KAZN: variants seen among roughly 807,000 people sequenced by gnomAD.
KAZN encodes kazrin, periplakin interacting protein.
Under a neutral mutation model 87.4 loss-of-function variants are expected in KAZN, and 40 were observed. That is an observed-to-expected ratio of 0.46 (90% CI 0.36 to 0.60). The LOEUF is 0.60. Among genes scored for constraint, KAZN ranks in the 20% least tolerant of loss-of-function variants. The probability of loss-of-function intolerance (pLI) is 0.00; values close to 1 mark genes in which losing one functional copy is unlikely to be tolerated. For missense variants in KAZN, 898 were observed against 1,073.9 expected, an observed-to-expected ratio of 0.84 and a Z score of 2.29; for synonymous variants, 466 against 458.3, an observed-to-expected ratio of 1.02 and a Z score of -0.22.
intron 1 of KAZN, among the ~76,000 whole-genome samples, chr1:14,123,342 G>A (rs1165879567): frequency 1.3e-5 from 2 of 152,162 alleles, no homozygotes; most frequent in Non-Finnish European, 2.9e-5. Context: ...AGGCTTCAGG[G>A]AGATGGTTGT....
intron 2 of KAZN, among the ~76,000 whole-genome samples, chr1:14,259,625 T>C (rs956288838): frequency 1.3e-5 from 2 of 152,188 alleles, no homozygotes; most frequent in African/African-American, 4.8e-5. Flanking sequence ...CTGAGGTTCA[T>C]CACCATTTCC....
intron 3 of KAZN, among the ~76,000 whole-genome samples, chr1:15,039,965 T>A (rs1236124234): frequency 2.0e-5 from 3 of 152,192 alleles, no homozygotes; most frequent in East Asian, 1.9e-4. Context: ...ATACTGATTT[T>A]AAAAAAATTA....
intron 2 of KAZN, among the ~76,000 whole-genome samples, chr1:14,509,923 A>T (rs1404441562): frequency 6.6e-6 from 1 of 152,206 alleles, no homozygotes; most frequent in African/African-American, 2.4e-5. Flanking sequence ...CAAAAGCTGA[A>T]ATAACATTCC....
intron 1 of KAZN, among the ~76,000 whole-genome samples, chr1:14,927,901 C>T (rs1419513665): frequency 6.6e-6 from 1 of 152,108 alleles, no homozygotes; most frequent in Admixed American, 6.5e-5. Context: ...CTTTGTGTAC[C>T]GGCTCCCAGC....
intron 1 of KAZN, among the ~76,000 whole-genome samples, chr1:14,127,374 A>C (rs1271102363): frequency 6.7e-6 from 1 of 150,092 alleles, no homozygotes; most frequent in Non-Finnish European, 1.5e-5. Flanking sequence ...CCAATAGCTG[A>C]GAAAAAGCAT....
rs138811922 is a variant in KAZN, at chr1:13,935,252, G to GTAATAATAATAATAATAATAATAATAA, written c.91+41514_91+41515insTAATAATAATAATAATAATAATAATAA. Among the ~76,000 whole-genome samples the GTAATAATAATAATAATAATAATAATAA allele has an allele frequency of 3.8e-3, 566 of 147,066 alleles. 2 individuals are homozygous for GTAATAATAATAATAATAATAATAATAA. Among genetic ancestry groups the GTAATAATAATAATAATAATAATAATAA allele is most frequent in the South Asian group, 7.0e-3 (32 of 4,546 alleles). On this transcript the variant is annotated intron_variant, in intron 1 of 16. Coordinates refer to the KAZN transcript ENST00000636203. The stretch of plus-strand genomic sequence containing the variant: ...AACTCCGTATCAAATAGTAGTAGTA[G>GTAATAATAATAATAATAATAATAATAA]TAATAATAATAATAATAAGCCTTCA...
At chr1:14,938,930 A>C (rs1308656496) in intron 1 of KAZN, among the ~76,000 whole-genome samples, 1 of 152,154 alleles carries the variant, frequency 6.6e-6, no homozygotes, top group Non-Finnish European at 1.5e-5. Context: ...AATACAATGG[A>C]TTGCAGATAA....
chr1:14,424,205 G>T (rs1665586054), intron 2 of KAZN, among the ~76,000 whole-genome samples: 1 of 152,140 alleles, frequency 6.6e-6, no homozygotes, highest in African/African-American at 2.4e-5. Flanking sequence ...CTCACAGATT[G>T]TCATGAAGAT....
At chr1:13,980,641 A>G (rs1226007676) in intron 1 of KAZN, among the ~76,000 whole-genome samples, 1 of 152,182 alleles carries the variant, frequency 6.6e-6, no homozygotes, top group Non-Finnish European at 1.5e-5. Context: ...GGCATAACTA[A>G]AAGGAGAAGT....
chr1:13,984,039 T>G (rs1381496913), intron 1 of KAZN, among the ~76,000 whole-genome samples: 1 of 151,856 alleles, frequency 6.6e-6, no homozygotes, highest in East Asian at 1.9e-4. Context: ...TGAGATGGAG[T>G]CTCGCTGTGT....
chr1:14,987,677 C>T (rs563232542), intron 2 of KAZN, among the ~76,000 whole-genome samples: 1 of 152,238 alleles, frequency 6.6e-6, no homozygotes, highest in Admixed American at 6.5e-5. Flanking sequence ...GGAGAGGGAG[C>T]AGGAGATGAG....
At chr1:14,420,359 A>C (rs1665305425) in intron 2 of KAZN, among the ~76,000 whole-genome samples, 1 of 152,188 alleles carries the variant, frequency 6.6e-6, no homozygotes, top group Non-Finnish European at 1.5e-5. Context: ...TGCATTTACA[A>C]ACCTTGAGCT....
At chr1:14,028,790 A>G (rs1170781464) in intron 1 of KAZN, among the ~76,000 whole-genome samples, 1 of 152,182 alleles carries the variant, frequency 6.6e-6, no homozygotes, top group Non-Finnish European at 1.5e-5. Flanking sequence ...ATGTCCCTAC[A>G]AAGGACATGA....
intron 1 of KAZN, among the ~76,000 whole-genome samples, chr1:14,609,483 A>G (rs903548757): frequency 6.6e-6 from 1 of 152,232 alleles, no homozygotes; most frequent in Non-Finnish European, 1.5e-5. Context: ...TCGGCTGATC[A>G]ACACCACAGT....
intron 1 of KAZN, among the ~76,000 whole-genome samples, chr1:14,718,696 C>T (rs1051135998): frequency 2.6e-4 from 39 of 152,248 alleles, no homozygotes; most frequent in African/African-American, 8.2e-4. Context: ...CCTCACATGG[C>T]GAATGTCACT....
chr1:14,141,481 T>C lies in KAZN; in HGVS notation c.92-38954T>C, dbSNP rs138617281. Among the ~76,000 whole-genome samples the C allele has an allele frequency of 1.8e-3, 244 of 137,992 alleles. 1 individual carries two copies. The highest frequency in any genetic ancestry group is 0.015 in the Admixed American group (210 of 14,018). The allele number at this position is 137,992 out of a possible 152,430, so 90.5% of individuals were successfully genotyped here. On this transcript the variant is annotated intron_variant, in intron 1 of 16. Coordinates refer to the KAZN transcript ENST00000636203. ...GATGGAACCAGATGTAACGAACGGC[T>C]CATTTACAGTAATAAAAAAAAAATT...
chr1:14,551,085 C>A (rs990083861), intron 2 of KAZN, among the ~76,000 whole-genome samples: 3 of 152,082 alleles, frequency 2.0e-5, no homozygotes, highest in African/African-American at 7.2e-5. Context: ...TCAGAATAGT[C>A]ATTATGTTAC....
chr1:14,690,016 A>G (rs1488727308), intron 1 of KAZN, among the ~76,000 whole-genome samples: 1 of 152,120 alleles, frequency 6.6e-6, no homozygotes, highest in Non-Finnish European at 1.5e-5. Flanking sequence ...TGGGGTTCCT[A>G]AGCCCTGCTC....
At chr1:14,292,897 G>A (rs1468437462) in intron 2 of KAZN, among the ~76,000 whole-genome samples, 1 of 152,190 alleles carries the variant, frequency 6.6e-6, no homozygotes, top group Non-Finnish European at 1.5e-5. Flanking sequence ...TAAAACTGCA[G>A]GCAGCTTAGC....
Sources: gnomAD v4.1 joint callset for allele counts (sites outside exome capture counted in the v4.1 genomes callset) on GRCh38, gnomAD v4.1.1 for gene constraint, MANE v1.5 for transcripts, NCBI Gene and HGNC (gene_info 2026-07-23, HGNC 2026-07-21) for gene names.